The following SLC44A5 variants were observed in gnomAD, a reference collection of about 807,000 sequenced individuals.
SLC44A5 encodes the protein choline transporter-like protein 5.
A neutral mutation model predicts 101.8 loss-of-function variants in SLC44A5; 57 were observed. That is an observed-to-expected ratio of 0.56 (90% CI 0.45 to 0.70). The LOEUF is 0.70. Among genes scored for constraint, SLC44A5 ranks in the 30% least tolerant of loss-of-function variants. The pLI is 0.00. For synonymous variants in SLC44A5, 281 were observed against 290.9 expected (o/e 0.97, Z 0.35); for missense variants, 737 against 853.1 (o/e 0.86, Z 1.70).
the SLC44A5 span, among the ~76,000 whole-genome samples, chr1:75,649,303 A>T: frequency 6.6e-6 from 1 of 152,232 alleles, no homozygotes; most frequent in African/African-American, 2.4e-5. Context: ...AGACCAGACA[A>T]GTTTAAATAC....
At chr1:75,678,756 C>G in the SLC44A5 span, among the ~76,000 whole-genome samples, 14 of 152,100 alleles carry the variant, frequency 9.2e-5, no homozygotes, top group African/African-American at 2.4e-4. Context: ...AACAAAGCTG[C>G]ACGGAGAATG....
At chr1:75,504,491 A>C (rs1249049957) in intron 2 of SLC44A5, among the ~76,000 whole-genome samples, 1 of 152,148 alleles carries the variant, frequency 6.6e-6, no homozygotes, top group Non-Finnish European at 1.5e-5. Flanking sequence ...TGCATAGAAC[A>C]TAGGAATATT....
chr1:75,361,511 G>A (rs1157147523), intron 3 of SLC44A5, among the ~76,000 whole-genome samples: 1 of 151,966 alleles, frequency 6.6e-6, no homozygotes, highest in Non-Finnish European at 1.5e-5. Flanking sequence ...ATTGTGTTGA[G>A]GCACATTTCC....
intron 2 of SLC44A5, among the ~76,000 whole-genome samples, chr1:75,465,211 A>G (rs773815301): frequency 6.6e-6 from 1 of 152,202 alleles, no homozygotes; most frequent in Non-Finnish European, 1.5e-5. Context: ...ATGGAATAAA[A>G]CTAGAAATCA....
At chr1:75,706,024 A>G in the SLC44A5 span, among the ~76,000 whole-genome samples, 1 of 152,266 alleles carries the variant, frequency 6.6e-6, no homozygotes, top group South Asian at 2.1e-4. Context: ...TTTCTGCTAC[A>G]TTAATAGCGG....
chr1:75,580,495 C>G (rs902912726), intron 1 of SLC44A5, among the ~76,000 whole-genome samples: 2 of 152,094 alleles, frequency 1.3e-5, no homozygotes, highest in Admixed American at 1.3e-4. Flanking sequence ...CAGAAAGGGC[C>G]ATAACACTCC....
intron 2 of SLC44A5, among the ~76,000 whole-genome samples, chr1:75,479,241 T>C (rs1459466305): frequency 4.6e-5 from 7 of 152,102 alleles, no homozygotes; most frequent in Non-Finnish European, 5.9e-5. Flanking sequence ...GTCTGGGACA[T>C]ATTCAAAGCA....
intron 6 of SLC44A5, 51 bp from the exon 7 acceptor site, chr1:75,251,345 A>C (rs1450805793): frequency 6.9e-7 from 1 of 1,443,864 alleles, no homozygotes; most frequent in Admixed American, 1.8e-5. Context: ...AATGTTCCAT[A>C]TCATTTCAGA....
chr1:75,566,856 A>G (rs1672808752), intron 1 of SLC44A5, among the ~76,000 whole-genome samples: 2 of 152,224 alleles, frequency 1.3e-5, no homozygotes, highest in African/African-American at 4.8e-5. Context: ...ATTCTGTAGC[A>G]TACGTATTAT....
chr1:75,478,896 A>C lies in SLC44A5; in HGVS notation c.13+62539T>G, dbSNP rs370818563. 5.9e-5 allele frequency among the ~76,000 whole-genome samples: 9 copies of C among 152,270 alleles called. No individual in the cohort carries two copies. In the South Asian group the frequency reaches 6.2e-4, roughly 11 times the overall value. The stretch of plus-strand genomic sequence containing the variant: ...GAATTGAACTCAGCTCTGCACCAAG[A>C]GGACCTAATAGACATCTACAGAACT... On this transcript the variant is annotated intron_variant, in intron 2 of 23. Transcript: ENST00000370859.
intron 3 of SLC44A5, among the ~76,000 whole-genome samples, chr1:75,352,838 A>C (rs1570751347): frequency 6.6e-6 from 1 of 152,248 alleles, no homozygotes; most frequent in African/African-American, 2.4e-5. Context: ...ATAGCCAAAA[A>C]TTTAAAACAA....
chr1:75,698,633 A>G, the SLC44A5 span, among the ~76,000 whole-genome samples: 1 of 152,248 alleles, frequency 6.6e-6, no homozygotes, highest in East Asian at 1.9e-4. Context: ...CTCACCAGCA[A>G]TGGAACAAAG....
At chr1:75,394,197 AAGT>A in intron 3 of SLC44A5, among the ~76,000 whole-genome samples, 1 of 152,144 alleles carries the variant, frequency 6.6e-6, no homozygotes, top group East Asian at 1.9e-4. Flanking sequence ...AAGTTTAAAA[AAGT>A]AGAGTGGCTG....
chr1:75,394,593 G>A (rs1662007578), intron 3 of SLC44A5, among the ~76,000 whole-genome samples: 1 of 152,128 alleles, frequency 6.6e-6, no homozygotes. Flanking sequence ...AACAGAAGAG[G>A]AAGTGAAACG....
At chr1:75,567,711 T>C (rs1672863441) in intron 1 of SLC44A5, among the ~76,000 whole-genome samples, 1 of 152,140 alleles carries the variant, frequency 6.6e-6, no homozygotes, top group Non-Finnish European at 1.5e-5. Context: ...AGATTTAGGG[T>C]CTGAAAAAGC....
At chr1:75,208,179 G>A (rs1193707885) in intron 23 of SLC44A5, among the ~76,000 whole-genome samples, 1 of 152,128 alleles carries the variant, frequency 6.6e-6, no homozygotes, top group Non-Finnish European at 1.5e-5. Flanking sequence ...GTTTGTTTGA[G>A]GCAAAGTCTC....
chr1:75,671,039 G>A, the SLC44A5 span, among the ~76,000 whole-genome samples: 10 of 152,296 alleles, frequency 6.6e-5, no homozygotes, highest in African/African-American at 2.2e-4. Flanking sequence ...AGACAAAGGC[G>A]TAAGGAGAAA....
the SLC44A5 span, among the ~76,000 whole-genome samples, chr1:75,639,036 A>C: frequency 6.6e-6 from 1 of 152,016 alleles, no homozygotes; most frequent in African/African-American, 2.4e-5. Flanking sequence ...AGTGATTTCC[A>C]CGGGCTGAGG....
rs770098033 is a variant in SLC44A5 at position 75,298,064 on chromosome 1, G to A, written c.175+2548C>T. On this transcript the variant is annotated intron_variant, in intron 5 of 23. Transcript: ENST00000370859. ...TCTACAAAGGCACTAATCTAATATA[G>A]TTGGCAAAAGACACCAAAATAACTG... 2.0e-5 allele frequency among the ~76,000 whole-genome samples: 3 copies of A among 152,174 alleles called. No homozygotes were observed. In the East Asian group the frequency reaches 5.8e-4, roughly 29 times the overall value.
Sources: gnomAD v4.1 joint callset for allele counts (sites outside exome capture counted in the v4.1 genomes callset) on GRCh38, gnomAD v4.1.1 for gene constraint, MANE v1.5 for transcripts, NCBI Gene and HGNC (gene_info 2026-07-23, HGNC 2026-07-21) for gene names.